Variants in USP34 observed in about 807,000 individuals in gnomAD.
USP34 encodes ubiquitin carboxyl-terminal hydrolase 34.
A neutral mutation model predicts 460.3 loss-of-function variants in USP34; 70 were observed. The ratio of observed to expected loss-of-function variants is 0.15; its 90% CI spans 0.13 to 0.19. The LOEUF is 0.19. USP34 is among the 10% of genes least tolerant of loss of function. The probability of loss-of-function intolerance (pLI) is 1.00; values close to 1 mark genes in which losing one functional copy is unlikely to be tolerated. For missense variants in USP34, 3,985 were observed against 4,236.2 expected (o/e 0.94, Z 1.65); for synonymous variants, 1,647 against 1,405.3 (o/e 1.17, Z -3.85).
In USP34 at chr2:61,236,014, GA is replaced by G; in HGVS notation, c.6966+11del. 1 of 1,605,370 alleles carries G rather than the reference GA, an allele frequency of 6.2e-7. No homozygotes were observed. Among genetic ancestry groups the G allele is most frequent in the Non-Finnish European group, 8.5e-7 (1 of 1,177,756 alleles). The stretch of plus-strand genomic sequence containing the variant: ...ATAAATGACAAAAAAATCCATAGTA[GA>G]AAACACATACCTTTTCTTTAGAATG... On this transcript the variant is annotated intron_variant, in intron 56 of 79. Transcript: ENST00000398571.
intron 3 of USP34, among the ~76,000 whole-genome samples, chr2:61,396,408 A>C (rs1449435424): frequency 1.3e-5 from 2 of 152,206 alleles, no homozygotes; most frequent in Non-Finnish European, 2.9e-5. Flanking sequence ...ATATACGCAT[A>C]ACGATGCTCA....
intron 2 of USP34, among the ~76,000 whole-genome samples, chr2:61,415,615 A>C (rs1694171587): frequency 6.6e-6 from 1 of 152,222 alleles, no homozygotes; most frequent in African/African-American, 2.4e-5. Flanking sequence ...TTAATATCAA[A>C]ACCAACATCT....
intron 48 of USP34, among the ~76,000 whole-genome samples, chr2:61,253,989 C>A (rs1436884879): frequency 6.6e-6 from 1 of 152,230 alleles, no homozygotes; most frequent in African/African-American, 2.4e-5. Flanking sequence ...CCTGCCTTGG[C>A]CTCCCAAAGT....
intron 49 of USP34, among the ~76,000 whole-genome samples, chr2:61,247,192 T>A (rs1688439342): frequency 6.6e-6 from 1 of 152,166 alleles, no homozygotes; most frequent in South Asian, 2.1e-4. Flanking sequence ...GAAGATGATG[T>A]ATGATTTATG....
intron 3 of USP34, among the ~76,000 whole-genome samples, chr2:61,401,994 G>A (rs1339033320): frequency 2.6e-5 from 4 of 151,332 alleles, no homozygotes; most frequent in East Asian, 2.0e-4. Flanking sequence ...GCTCATGCCT[G>A]TAATCCCAGC....
At chr2:61,447,510 G>C (rs1458646003) in intron 1 of USP34, among the ~76,000 whole-genome samples, 1 of 152,000 alleles carries the variant, frequency 6.6e-6, no homozygotes, top group Non-Finnish European at 1.5e-5. Flanking sequence ...CTTTGCATGA[G>C]TCCATCACAC....
intron 50 of USP34, among the ~76,000 whole-genome samples, chr2:61,245,808 T>G (rs1294923013): frequency 6.6e-6 from 1 of 152,180 alleles, no homozygotes; most frequent in Non-Finnish European, 1.5e-5. Context: ...CTTAGAACAG[T>G]GCCTAGCACA....
At chr2:61,396,111 G>T (rs932943033) in intron 3 of USP34, among the ~76,000 whole-genome samples, 1 of 151,546 alleles carries the variant, frequency 6.6e-6, no homozygotes, top group African/African-American at 2.4e-5. Flanking sequence ...AAAAATACAT[G>T]ATAGTTAAGT....
At chr2:61,396,482 T>C (rs1693530604) in intron 3 of USP34, among the ~76,000 whole-genome samples, 1 of 115,252 alleles carries the variant, frequency 8.7e-6, no homozygotes, top group African/African-American at 3.6e-5. Flanking sequence ...GGCATAACCA[T>C]TCCAGCTAAT....
Position 61,190,430 on chromosome 2 carries a change from T to A in USP34, c.9730-16A>T, listed in dbSNP as rs1276038626. Reference sequence around the variant, plus strand: ...GACTTTGAACCTGAAAAAGAAGATTTAAAAAAATCTCCAAAAGACCAGCAT... The same window carrying A: ...GACTTTGAACCTGAAAAAGAAGATTAAAAAAAATCTCCAAAAGACCAGCAT... On this transcript the variant is annotated splice_polypyrimidine_tract_variant and intron_variant, in intron 77 of 79. Transcript: ENST00000398571. 2 of 1,597,238 alleles carry A rather than the reference T, an allele frequency of 1.3e-6. No homozygotes were observed. The highest frequency in any genetic ancestry group is 1.7e-6 in the Non-Finnish European group (2 of 1,174,334).
chr2:61,409,462 C>T (rs1424725192), intron 2 of USP34, among the ~76,000 whole-genome samples: 1 of 152,112 alleles, frequency 6.6e-6, no homozygotes, highest in Non-Finnish European at 1.5e-5. Flanking sequence ...GTCTGTAACC[C>T]CAGCACTTTG....
intron 33 of USP34, among the ~76,000 whole-genome samples, chr2:61,291,172 A>C (rs1323092356): frequency 1.3e-5 from 2 of 152,132 alleles, no homozygotes; most frequent in Non-Finnish European, 2.9e-5. Flanking sequence ...CCAAAGATAA[A>C]CAAGTGGCCA....
intron 6 of USP34, among the ~76,000 whole-genome samples, chr2:61,382,109 G>C (rs1374609849): frequency 6.6e-6 from 1 of 151,888 alleles, no homozygotes; most frequent in African/African-American, 2.4e-5. Context: ...TTCCTTCCAG[G>C]ACTAATATAT....
Position 61,366,551 on chromosome 2 carries a change from G to C in USP34, c.1251+3770C>G, listed in dbSNP as rs1001809162. 7.2e-5 allele frequency among the ~76,000 whole-genome samples: 11 copies of C among 152,114 alleles called. No homozygotes were observed. In the East Asian group the frequency reaches 1.5e-3, roughly 21 times the overall value. The stretch of plus-strand genomic sequence containing the variant: ...TAATTGCATGTAAATACAGATACTG[G>C]TACCACTGTACATTCTCTCATTTAG... On this transcript the variant is annotated intron_variant, in intron 10 of 79. Coordinates refer to ENST00000398571, the MANE Select transcript of USP34 (RefSeq NM_014709.4).
At chr2:61,434,525 T>G (rs1180939371) in intron 1 of USP34, among the ~76,000 whole-genome samples, 1 of 152,104 alleles carries the variant, frequency 6.6e-6, no homozygotes, top group African/African-American at 2.4e-5. Flanking sequence ...CAACTCACCA[T>G]ATGCATACAT....
At chr2:61,421,761 A>T (rs887120036) in intron 1 of USP34, among the ~76,000 whole-genome samples, 1 of 150,204 alleles carries the variant, frequency 6.7e-6, no homozygotes, top group Non-Finnish European at 1.5e-5. Flanking sequence ...ATATGAGGTT[A>T]GTTTACATTT....
intron 1 of USP34, among the ~76,000 whole-genome samples, chr2:61,466,688 GA>G (rs955732551): frequency 6.6e-6 from 1 of 152,138 alleles, no homozygotes; most frequent in Non-Finnish European, 1.5e-5. Context: ...CAGGCAGGCA[GA>G]TCCCCTGAGG....
At chr2:61,456,388 A>G (rs914803751) in intron 1 of USP34, among the ~76,000 whole-genome samples, 2 of 152,226 alleles carry the variant, frequency 1.3e-5, no homozygotes, top group African/African-American at 4.8e-5. Flanking sequence ...ATGAAATGAC[A>G]TTTGTCAGGA....
rs1695929873 is a variant in USP34 at position 61,470,655 on chromosome 2, T to C, written c.38A>G (p.Asn13Ser). 8.2e-6 allele frequency: 13 copies of C among 1,592,948 alleles called. No homozygotes were observed. Among genetic ancestry groups the C allele is most frequent in the African/African-American group, 1.4e-5 (1 of 72,496 alleles). Residue 13 changes from asparagine to serine, a missense_variant, in exon 1 of 80, where the codon AAT becomes AGT. Around this residue, in one of 14 missense-constraint regions of USP34, gnomAD observed 331 missense variants for 293.7 expected, o/e 1.13. Transcript: ENST00000398571. ...ENCADLVEVL[N>S]EISDVEGGDG... ...CCGCTACCGCGGCTACTTACTTTCA[T>C]TTAACACCTCCACCAGGTCTGCGCA...
Sources: gnomAD v4.1 joint callset for allele counts (sites outside exome capture counted in the v4.1 genomes callset) on GRCh38, gnomAD v4.1.1 for gene constraint, gnomAD v4.1.1 regional missense constraint, MANE v1.5 for transcripts, NCBI Gene and HGNC (gene_info 2026-07-23, HGNC 2026-07-21) for gene names.